NR1H4: variants seen among roughly 807,000 people sequenced by gnomAD.
NR1H4 encodes bile acid receptor.
A neutral mutation model predicts 58.5 loss-of-function variants in NR1H4; 23 were observed. The ratio of observed to expected loss-of-function variants is 0.39; its 90% CI spans 0.28 to 0.56. The LOEUF (loss-of-function observed/expected upper bound fraction) is 0.56. Ranked by LOEUF, NR1H4 falls within the 20% of genes least tolerant of loss-of-function variation. The pLI, the probability that NR1H4 is intolerant of heterozygous loss-of-function variation, is 0.58. For missense variants in NR1H4, 487 were observed against 576.9 expected, an observed-to-expected ratio of 0.84 and a Z score of 1.60; for synonymous variants, 214 against 198.0, an observed-to-expected ratio of 1.08 and a Z score of -0.68.
chr12:100,516,856 C>T (rs1049072395), intron 4 of NR1H4, among the ~76,000 whole-genome samples: 3 of 152,110 alleles, frequency 2.0e-5, no homozygotes, highest in Non-Finnish European at 2.9e-5. Context: ...TTTAGTAATA[C>T]ACTTATTAAT....
chr12:100,495,770 T>C (rs144526236), intron 3 of NR1H4, among the ~76,000 whole-genome samples: 2 of 151,992 alleles, frequency 1.3e-5, no homozygotes, highest in Non-Finnish European at 2.9e-5. Context: ...GCTAAAGGTA[T>C]GCCAAAGGGG....
chr12:100,556,725 A>G (rs1212541947), intron 9 of NR1H4, among the ~76,000 whole-genome samples: 1 of 152,218 alleles, frequency 6.6e-6, no homozygotes, highest in Non-Finnish European at 1.5e-5. Context: ...TTATTATGCC[A>G]GTAAACTTAG....
chr12:100,539,794 C>A (rs978704380), intron 8 of NR1H4, among the ~76,000 whole-genome samples: 1 of 152,076 alleles, frequency 6.6e-6, no homozygotes, highest in African/African-American at 2.4e-5. Context: ...AATATCATGT[C>A]GGGTGGTGAT....
At chr12:100,527,176 A>G (rs1314895023) in intron 4 of NR1H4, among the ~76,000 whole-genome samples, 1 of 152,230 alleles carries the variant, frequency 6.6e-6, no homozygotes, top group Non-Finnish European at 1.5e-5. Context: ...TCATGTCTCA[A>G]GATAATTTTT....
At chr12:100,511,261 C>T in intron 4 of NR1H4, 118 bp downstream of exon 4, 2 of 1,139,382 alleles carry the variant, frequency 1.8e-6, no homozygotes, top group Non-Finnish European at 2.6e-6. Flanking sequence ...CTCCTGTGCG[C>T]CTACCTCCTC....
intron 4 of NR1H4, among the ~76,000 whole-genome samples, chr12:100,519,809 A>G (rs1383680455): frequency 6.6e-6 from 1 of 152,148 alleles, no homozygotes; most frequent in Non-Finnish European, 1.5e-5. Context: ...GGACCTTCTC[A>G]GGTACCTAAC....
intron 8 of NR1H4, among the ~76,000 whole-genome samples, chr12:100,540,009 C>T (rs758667718): frequency 5.3e-5 from 8 of 152,082 alleles, no homozygotes; most frequent in Admixed American, 6.5e-5. Flanking sequence ...GGCTGGAACA[C>T]AAAGAGTAGA....
At chr12:100,504,183 G>A (rs1413569341) in intron 3 of NR1H4, among the ~76,000 whole-genome samples, 2 of 152,038 alleles carry the variant, frequency 1.3e-5, no homozygotes, top group Non-Finnish European at 2.9e-5. Flanking sequence ...CCAGGCTCTT[G>A]GTTTTCTCTG....
At chr12:100,501,713 A>G (rs1284560548) in intron 3 of NR1H4, among the ~76,000 whole-genome samples, 3 of 152,176 alleles carry the variant, frequency 2.0e-5, no homozygotes, top group Admixed American at 6.5e-5. Flanking sequence ...TGTATAGCTC[A>G]CCTTTGCCTT....
In NR1H4 at chr12:100,562,010, G is replaced by A; in HGVS notation, c.1192+12G>A. The A allele has an allele frequency of 4.8e-6, 6 of 1,262,978 alleles. No individual in the cohort carries two copies. The highest frequency in any genetic ancestry group is 1.9e-4 in the Middle Eastern group (1 of 5,328). The allele number at this position is 1,262,978 out of a possible 1,614,324, so 78.2% of individuals were successfully genotyped here. A position where few individuals can be genotyped will look rare whatever the true frequency, so the allele number is the denominator to read the frequency against. ...TATCCTGTCTCCAGGTAATTCCAAT[G>A]TTACATTTTAATTTTTATGCCATTT... is the stretch of plus-strand genomic sequence containing the variant. On this transcript the variant is annotated intron_variant, in intron 10 of 10. Transcript: ENST00000392986.
intron 9 of NR1H4, among the ~76,000 whole-genome samples, chr12:100,553,322 A>G (rs760109540): frequency 6.6e-6 from 1 of 152,150 alleles, no homozygotes. Flanking sequence ...TAAAATGTAT[A>G]TGGTATTTCA....
At chr12:100,513,957 C>A (rs1340021958) in intron 4 of NR1H4, among the ~76,000 whole-genome samples, 1 of 152,048 alleles carries the variant, frequency 6.6e-6, no homozygotes, top group African/African-American at 2.4e-5. Flanking sequence ...TTTGAGAAAC[C>A]AACTGCTGAT....
chr12:100,493,270 G>T lies in NR1H4; in HGVS notation c.-54G>T, dbSNP rs1382074022. 2.3e-6 allele frequency: 2 copies of T among 866,732 alleles called. No individual in the cohort carries two copies. The highest frequency in any genetic ancestry group is 3.9e-6 in the Non-Finnish European group (2 of 517,216). The allele number at this position is 866,732 out of a possible 1,614,324, so 53.7% of individuals were successfully genotyped here. A position where few individuals can be genotyped will look rare whatever the true frequency, so the allele number is the denominator to read the frequency against. Reference sequence around the variant, plus strand: ...CACAAACTATTTATTTTCCTTTCAGGAGTTTTTTTTGAAGACCACCATAAA... The same window carrying T: ...CACAAACTATTTATTTTCCTTTCAGTAGTTTTTTTTGAAGACCACCATAAA... On this transcript the variant is annotated splice_region_variant and 5_prime_UTR_variant, in exon 3 of 11. Coordinates refer to ENST00000392986, the MANE Select transcript of NR1H4 (RefSeq NM_001206979.2).
intron 8 of NR1H4, among the ~76,000 whole-genome samples, chr12:100,539,088 G>T (rs948144764): frequency 6.6e-6 from 1 of 152,172 alleles, no homozygotes; most frequent in Non-Finnish European, 1.5e-5. Flanking sequence ...TTCATAAGAA[G>T]GTAGCTTATC....
At chr12:100,513,444 G>A (rs1229325312) in intron 4 of NR1H4, among the ~76,000 whole-genome samples, 1 of 151,804 alleles carries the variant, frequency 6.6e-6, no homozygotes, top group African/African-American at 2.4e-5. Flanking sequence ...ATCTGCTTAT[G>A]TTAAAGATTT....
At chr12:100,548,138 C>T (rs1013511057) in intron 9 of NR1H4, among the ~76,000 whole-genome samples, 7 of 149,454 alleles carry the variant, frequency 4.7e-5, no homozygotes, top group African/African-American at 7.4e-5. Flanking sequence ...GAGGCCGAGG[C>T]GGGTGGATCA....
intron 4 of NR1H4, among the ~76,000 whole-genome samples, chr12:100,522,687 G>GT (rs1954457768): frequency 6.6e-6 from 1 of 151,968 alleles, no homozygotes; most frequent in East Asian, 1.9e-4. Context: ...CCAATATGTA[G>GT]TTTTTTATCC....
chr12:100,523,800 G>A (rs1954487658), intron 4 of NR1H4, among the ~76,000 whole-genome samples: 1 of 152,178 alleles, frequency 6.6e-6, no homozygotes, highest in Non-Finnish European at 1.5e-5. Context: ...TTAAGTACCA[G>A]TTTGTATGCC....
At chr12:100,506,815 G>A (rs1953977323) in intron 3 of NR1H4, among the ~76,000 whole-genome samples, 1 of 152,072 alleles carries the variant, frequency 6.6e-6, no homozygotes, top group Admixed American at 6.6e-5. Context: ...GCCAAGAATA[G>A]AAGTATTATT....
Sources: gnomAD v4.1 joint callset for allele counts (sites outside exome capture counted in the v4.1 genomes callset) on GRCh38, gnomAD v4.1.1 for gene constraint, MANE v1.5 for transcripts, NCBI Gene and HGNC (gene_info 2026-07-23, HGNC 2026-07-21) for gene names.